Variants in FSTL4 observed in about 807,000 individuals in gnomAD.
The protein encoded by FSTL4 is follistatin like 4.
Under a neutral mutation model 78.2 loss-of-function variants are expected in FSTL4, and 28 were observed. The observed-to-expected ratio is 0.36, with a 90% CI of 0.27 to 0.49. The LOEUF is 0.49. Ranked by LOEUF, FSTL4 falls within the 20% of genes least tolerant of loss-of-function variation. The pLI, the probability that FSTL4 is intolerant of heterozygous loss-of-function variation, is 0.98. For synonymous variants in FSTL4, 422 were observed against 440.5 expected, an observed-to-expected ratio of 0.96 and a Z score of 0.53; for missense variants, 922 against 1,084.9, an observed-to-expected ratio of 0.85 and a Z score of 2.11.
chr5:133,496,071 A>T (rs1488068607), intron 3 of FSTL4, among the ~76,000 whole-genome samples: 1 of 152,122 alleles, frequency 6.6e-6, no homozygotes, highest in Non-Finnish European at 1.5e-5. Flanking sequence ...AGAAGGACCA[A>T]TGCCACCTGC....
chr5:133,776,927 G>A, the FSTL4 span, among the ~76,000 whole-genome samples: 1 of 152,138 alleles, frequency 6.6e-6, no homozygotes, highest in Non-Finnish European at 1.5e-5. Context: ...TGGCTTGAAT[G>A]TATGGCCTAC....
chr5:133,359,272 G>A (rs1435495913), intron 4 of FSTL4, among the ~76,000 whole-genome samples: 3 of 152,192 alleles, frequency 2.0e-5, no homozygotes, highest in Admixed American at 6.5e-5. Flanking sequence ...GAGAAGCTGC[G>A]TCAAAAGGCG....
At chr5:133,783,129 C>A in the FSTL4 span, among the ~76,000 whole-genome samples, 1 of 152,176 alleles carries the variant, frequency 6.6e-6, no homozygotes, top group Non-Finnish European at 1.5e-5. Flanking sequence ...CCCAAGTACA[C>A]AAACTCCCAA....
rs755270499 is a variant in FSTL4 at position 133,199,129 on chromosome 5, C to G, written c.2495G>C (p.Gly832Ala). ...TLRCEVSGIK[G>A]GTTVVWVGEV ...ACCCACCCACACCACTGTGGTCCCCCCCTTTATACCTGACACCTCACACCG... is the reference window on the plus strand; with the variant it reads ...ACCCACCCACACCACTGTGGTCCCCGCCTTTATACCTGACACCTCACACCG... The change falls in exon 16 of 16, where the codon GGG (glycine) becomes GCG (alanine). Residue 832 changes from glycine (G) to alanine (A), a missense_variant. Transcript: ENST00000265342. This position sits in a 1 kb window ranked among gnomAD's most constrained non-coding sequence, Gnocchi z 4.4. The G allele has an allele frequency of 5.1e-6, 8 of 1,568,128 alleles. No individual in the cohort carries two copies. The highest frequency in any genetic ancestry group is 1.3e-5 in the African/African-American group (1 of 74,144).
intron 1 of FSTL4, 59 bp from the exon 2 acceptor site, chr5:133,604,052 A>C (rs1760926396): frequency 1.6e-6 from 2 of 1,255,346 alleles, no homozygotes; most frequent in Non-Finnish European, 2.3e-6. Context: ...ATAATAAGTC[A>C]CAGTGAGTTA....
At chr5:133,701,509 A>ACACACCACC in the FSTL4 span, among the ~76,000 whole-genome samples, 1 of 132,624 alleles carries the variant, frequency 7.5e-6, no homozygotes, top group Admixed American at 7.6e-5. Context: ...ACACACACAC[A>ACACACCACC]CCCCACAGGC....
intron 3 of FSTL4, among the ~76,000 whole-genome samples, chr5:133,406,756 T>C (rs906949473): frequency 9.9e-5 from 15 of 152,228 alleles, no homozygotes; most frequent in African/African-American, 3.4e-4. Context: ...TCTTAGAATC[T>C]ATGAGCTCAT....
At chr5:133,380,688 C>T (rs941999066) in intron 4 of FSTL4, among the ~76,000 whole-genome samples, 8 of 151,654 alleles carry the variant, frequency 5.3e-5, no homozygotes. Flanking sequence ...TCAATATCAA[C>T]CTTATATCAA....
intron 3 of FSTL4, among the ~76,000 whole-genome samples, chr5:133,423,361 G>A (rs1042352092): frequency 2.6e-5 from 4 of 152,222 alleles, no homozygotes; most frequent in Admixed American, 2.6e-4. Flanking sequence ...CTAGGAGCTG[G>A]AGAAGGCCCA....
At chr5:133,317,618 G>C (rs1179170800) in intron 4 of FSTL4, among the ~76,000 whole-genome samples, 1 of 152,248 alleles carries the variant, frequency 6.6e-6, no homozygotes, top group African/African-American at 2.4e-5. Flanking sequence ...CAGAGTTGGA[G>C]AGTCAATAGA....
the FSTL4 span, among the ~76,000 whole-genome samples, chr5:133,726,294 C>T: frequency 3.9e-5 from 6 of 152,198 alleles, no homozygotes; most frequent in Non-Finnish European, 7.3e-5. Flanking sequence ...GATTAGGCAG[C>T]TATGCCGAAC....
At chr5:133,574,652 C>A (rs1309955061) in intron 2 of FSTL4, among the ~76,000 whole-genome samples, 1 of 152,154 alleles carries the variant, frequency 6.6e-6, no homozygotes, top group Non-Finnish European at 1.5e-5. Context: ...TATAAGAAGG[C>A]TGAATGCAGC....
At chr5:133,257,326 T>A (rs950133548) in intron 6 of FSTL4, among the ~76,000 whole-genome samples, 2 of 152,166 alleles carry the variant, frequency 1.3e-5, no homozygotes, top group African/African-American at 4.8e-5. Flanking sequence ...TAAAGCCTGG[T>A]TGCCCTCTTT....
At chr5:133,581,413 G>A (rs1298145498) in intron 2 of FSTL4, among the ~76,000 whole-genome samples, 4 of 152,188 alleles carry the variant, frequency 2.6e-5, no homozygotes, top group Admixed American at 1.3e-4. Context: ...CTATAAGATT[G>A]TCGTGAGAAA....
chr5:133,684,211 G>T, the FSTL4 span, among the ~76,000 whole-genome samples: 1 of 152,184 alleles, frequency 6.6e-6, no homozygotes, highest in East Asian at 1.9e-4. Context: ...TGAAAGTGAC[G>T]GGTAAGCAAA....
chr5:133,607,004 C>T (rs1561485179), intron 1 of FSTL4, among the ~76,000 whole-genome samples: 1 of 152,164 alleles, frequency 6.6e-6, no homozygotes, highest in Non-Finnish European at 1.5e-5. Flanking sequence ...CCTGGAGTTG[C>T]CACTGGTTTT....
At chr5:133,449,556 T>G (rs1354968542) in intron 3 of FSTL4, among the ~76,000 whole-genome samples, 3 of 152,068 alleles carry the variant, frequency 2.0e-5, no homozygotes, top group African/African-American at 7.2e-5. Context: ...AGGAGTGATC[T>G]CCATGTGGGG....
chr5:133,688,998 T>C, the FSTL4 span, among the ~76,000 whole-genome samples: 4,078 of 152,326 alleles, frequency 0.027, 188 homozygotes, highest in African/African-American at 0.094. Context: ...GAGTCCTTGC[T>C]GCAGGCAGAG....
At chr5:133,414,420 A>G (rs1402823220) in intron 3 of FSTL4, among the ~76,000 whole-genome samples, 1 of 152,136 alleles carries the variant, frequency 6.6e-6, no homozygotes, top group African/African-American at 2.4e-5. Context: ...AACCTTCCAC[A>G]TATGCCTACC....
Sources: allele counts gnomAD v4.1 joint callset (sites outside exome capture counted in the v4.1 genomes callset), GRCh38; gene constraint gnomAD v4.1.1; non-coding constraint Gnocchi (gnomAD v3.1); transcripts MANE v1.5; gene names NCBI Gene and HGNC (gene_info 2026-07-23, HGNC 2026-07-21).